EFL1: variants seen among roughly 807,000 people sequenced by gnomAD.
EFL1 encodes the protein elongation factor-like GTPase 1.
In EFL1, 76 loss-of-function variants were observed where a neutral mutation model predicts 126.7. The ratio of observed to expected loss-of-function variants is 0.60; its 90% CI spans 0.50 to 0.73. The LOEUF (loss-of-function observed/expected upper bound fraction) is 0.73. Among genes scored for constraint, EFL1 ranks in the 30% least tolerant of loss-of-function variants. EFL1 has a pLI of 0.00. For missense variants in EFL1, 1,128 were observed against 1,343.2 expected, an observed-to-expected ratio of 0.84 and a Z score of 2.50; for synonymous variants, 410 against 448.4, an observed-to-expected ratio of 0.91 and a Z score of 1.08.
intron 18 of EFL1, among the ~76,000 whole-genome samples, chr15:82,143,938 C>T (rs574488373): frequency 3.3e-5 from 5 of 152,220 alleles, no homozygotes; most frequent in South Asian, 4.1e-4. Flanking sequence ...TGGGCTCAAG[C>T]GATCTCCTGC....
At chr15:82,184,196 A>ATT (rs1256842072) in intron 15 of EFL1, among the ~76,000 whole-genome samples, 1 of 152,226 alleles carries the variant, frequency 6.6e-6, no homozygotes, top group African/African-American at 2.4e-5. Flanking sequence ...CAACTGCTAT[A>ATT]TTACTGTGCA....
chr15:82,186,892 G>A (rs963537726), intron 15 of EFL1, among the ~76,000 whole-genome samples: 1 of 152,092 alleles, frequency 6.6e-6, no homozygotes, highest in Admixed American at 6.5e-5. Flanking sequence ...ACATCTCAGC[G>A]CCTCAATAAT....
rs1035480600 is a variant in EFL1 at position 82,218,403 on chromosome 15, T to C, written c.1611+1249A>G. Among the ~76,000 whole-genome samples the C allele has an allele frequency of 1.4e-4, 21 of 152,168 alleles. 1 individual carries two copies. Among genetic ancestry groups the C allele is most frequent in the African/African-American group, 3.4e-4 (14 of 41,448 alleles). ...TGTCAATGTATTGTATCATTCCTGCTTAAGACATGAGACACATAAGCAACT... is the reference window on the plus strand; with the variant it reads ...TGTCAATGTATTGTATCATTCCTGCCTAAGACATGAGACACATAAGCAACT... On this transcript the variant is annotated intron_variant, in intron 14 of 19. Coordinates refer to ENST00000268206, the MANE Select transcript of EFL1 (RefSeq NM_024580.6).
intron 17 of EFL1, among the ~76,000 whole-genome samples, chr15:82,154,617 GA>G (rs2073947533): frequency 6.6e-6 from 1 of 152,158 alleles, no homozygotes; most frequent in African/African-American, 2.4e-5. Context: ...TCAAGAAACA[GA>G]ACAGTCTTAG....
chr15:82,219,570 A>G, intron 14 of EFL1, 82 bp downstream of exon 14: 1 of 1,434,326 alleles, frequency 7.0e-7, no homozygotes, highest in Non-Finnish European at 9.4e-7. Flanking sequence ...TACCAACAAG[A>G]TAATCACCAG....
chr15:82,207,307 T>C (rs62012008), intron 15 of EFL1, among the ~76,000 whole-genome samples: 55,401 of 145,152 alleles, frequency 0.38, 10,824 homozygotes, highest in South Asian at 0.48. Context: ...TATATATATA[T>C]ACACACACAC....
At chr15:82,258,978 G>T (rs1310570285) in intron 3 of EFL1, 110 bp downstream of exon 3, 1 of 998,090 alleles carries the variant, frequency 1.0e-6, no homozygotes, top group South Asian at 1.5e-5. Context: ...TTAGACGCAA[G>T]AATTATGTTT....
At chr15:82,148,219 A>C (rs2073869452) in intron 18 of EFL1, among the ~76,000 whole-genome samples, 1 of 151,934 alleles carries the variant, frequency 6.6e-6, no homozygotes, top group Non-Finnish European at 1.5e-5. Flanking sequence ...CTCTACTAAA[A>C]ATATAAAAAT....
chr15:82,240,615 G>C, intron 5 of EFL1, 60 bp from the exon 6 acceptor site: 20 of 1,588,808 alleles, frequency 1.3e-5, no homozygotes, highest in Non-Finnish European at 1.7e-5. Flanking sequence ...GAGCACATTA[G>C]AAAATCGTGA....
chr15:82,130,272 TA>T lies in EFL1; in HGVS notation c.*100del. 8.3e-7 allele frequency: 1 copy of T among 1,202,798 alleles called. No homozygotes were observed. The allele number at this position is 1,202,798 out of a possible 1,614,324, so 74.5% of individuals were successfully genotyped here. On this transcript the variant is annotated 3_prime_UTR_variant, in exon 20 of 20. Transcript: ENST00000268206. ...ATGGATCAACTTTATTGAAAGTGAA[TA>T]AACAGAGATAATGTGGCAAAAAGAA...
intron 12 of EFL1, among the ~76,000 whole-genome samples, chr15:82,223,359 T>A (rs2074731197): frequency 6.6e-6 from 1 of 152,008 alleles, no homozygotes; most frequent in South Asian, 2.1e-4. Flanking sequence ...TATGTAACAA[T>A]TGTTGAACCT....
intron 12 of EFL1, among the ~76,000 whole-genome samples, chr15:82,222,875 G>A (rs2074726252): frequency 6.6e-6 from 1 of 152,194 alleles, no homozygotes; most frequent in Non-Finnish European, 1.5e-5. Context: ...GAGACCAGAG[G>A]TGAGAATGTT....
chr15:82,183,034 G>A (rs2141262459), intron 15 of EFL1, among the ~76,000 whole-genome samples: 1 of 152,192 alleles, frequency 6.6e-6, no homozygotes, highest in South Asian at 2.1e-4. Flanking sequence ...AAGTCTGCAG[G>A]TGAAAAAGGC....
intron 15 of EFL1, among the ~76,000 whole-genome samples, chr15:82,204,957 G>C (rs1361197877): frequency 6.6e-6 from 1 of 152,136 alleles, no homozygotes; most frequent in Non-Finnish European, 1.5e-5. Context: ...TTCAACTACT[G>C]TACCTGAAAT....
chr15:82,244,792 T>A (rs1260148737), intron 4 of EFL1, among the ~76,000 whole-genome samples: 2 of 152,166 alleles, frequency 1.3e-5, no homozygotes, highest in African/African-American at 4.8e-5. Flanking sequence ...CCAAAACATC[T>A]CTGTATTCAG....
chr15:82,212,731 A>G (rs899630053), intron 15 of EFL1, among the ~76,000 whole-genome samples: 25 of 152,354 alleles, frequency 1.6e-4, no homozygotes, highest in Non-Finnish European at 3.1e-4. Context: ...AAAGCCATTC[A>G]CAACCCCAAT....
rs750177180 is a variant in EFL1 at position 82,238,374 on chromosome 15, G to T, written c.664C>A (p.His222Asn). The T allele has an allele frequency of 5.0e-6, 8 of 1,614,112 alleles. No homozygotes were observed. Among genetic ancestry groups the T allele is most frequent in the Non-Finnish European group, 6.8e-6 (8 of 1,180,048 alleles). The change falls in exon 7 of 20, where the codon CAC becomes AAC. Residue 222 changes from histidine to asparagine, a missense_variant. His to Asn is a moderately conservative substitution (Grantham distance 68, BLOSUM62 1). Coordinates refer to ENST00000268206, the MANE Select transcript of EFL1 (RefSeq NM_024580.6). The stretch of plus-strand genomic sequence containing the variant: ...CCCTGTTCTGGAGAGAAGTAAAGGT[G>T]AGAATCATCTGTGTCCTCCAAGCCA... ...STGLEDTDDS[H>N]LYFSPEQGNV...
chr15:82,176,343 A>G (rs1359160330), intron 15 of EFL1, among the ~76,000 whole-genome samples: 1 of 152,218 alleles, frequency 6.6e-6, no homozygotes, highest in Admixed American at 6.5e-5. Flanking sequence ...AAAATATTAG[A>G]TTATATTAAA....
At chr15:82,157,448 C>T (rs1271073293) in intron 17 of EFL1, 1 of 285,816 alleles carries the variant, frequency 3.5e-6, no homozygotes, top group Admixed American at 4.7e-5. Flanking sequence ...GTTTTGTGTA[C>T]ATGCTTAAAG....
Sources: allele counts gnomAD v4.1 joint callset (sites outside exome capture counted in the v4.1 genomes callset), GRCh38; gene constraint gnomAD v4.1.1; transcripts MANE v1.5; gene names NCBI Gene and HGNC (gene_info 2026-07-23, HGNC 2026-07-21).